PTPRQ: variants seen among roughly 807,000 people sequenced by gnomAD.
PTPRQ encodes the protein protein tyrosine phosphatase receptor type Q.
In PTPRQ, 199 loss-of-function variants were observed where a neutral mutation model predicts 246.0. That is an observed-to-expected ratio of 0.81 (90% CI 0.72 to 0.91). The LOEUF is 0.91. PTPRQ is among the 40% of genes least tolerant of loss of function. The pLI, the probability that PTPRQ is intolerant of heterozygous loss-of-function variation, is 0.00. For synonymous variants in PTPRQ, 869 were observed against 853.2 expected, an observed-to-expected ratio of 1.02 and a Z score of -0.32; for missense variants, 2,624 against 2,528.4, an observed-to-expected ratio of 1.04 and a Z score of -0.81.
intron 30 of PTPRQ, among the ~76,000 whole-genome samples, chr12:80,616,816 A>C (rs1351842790): frequency 2.0e-5 from 3 of 151,190 alleles, no homozygotes; most frequent in Non-Finnish European, 3.0e-5. Flanking sequence ...CTTTCAAAAT[A>C]AAACAAACAA....
chr12:80,637,819 A>G (rs1899713381), intron 35 of PTPRQ, among the ~76,000 whole-genome samples: 1 of 152,172 alleles, frequency 6.6e-6, no homozygotes, highest in Admixed American at 6.5e-5. Context: ...GAGGTGTTTG[A>G]AGATCTAAAT....
chr12:80,521,725 T>G (rs1468865548), intron 17 of PTPRQ, among the ~76,000 whole-genome samples: 2 of 152,178 alleles, frequency 1.3e-5, no homozygotes, highest in East Asian at 3.8e-4. Flanking sequence ...GATCTATATC[T>G]CTGTTTTGGT....
chr12:80,578,828 A>T (rs1897348682), intron 25 of PTPRQ, among the ~76,000 whole-genome samples: 1 of 152,126 alleles, frequency 6.6e-6, no homozygotes, highest in Non-Finnish European at 1.5e-5. Flanking sequence ...ATCAGAGATT[A>T]TTGTATTTTT....
chr12:80,517,066 T>C (rs1368791794), intron 17 of PTPRQ, among the ~76,000 whole-genome samples: 1 of 152,170 alleles, frequency 6.6e-6, no homozygotes, highest in African/African-American at 2.4e-5. Flanking sequence ...TCTCAACTCT[T>C]TCCTGATAGT....
At chr12:80,506,811 G>A (rs1225521344) in intron 16 of PTPRQ, 141 bp downstream of exon 16, 5 of 582,018 alleles carry the variant, frequency 8.6e-6, no homozygotes, top group Non-Finnish European at 1.1e-5. Context: ...AGATTTCATT[G>A]TCATGGTATA....
At chr12:80,603,294 ATAACT>A (rs780384344) in intron 26 of PTPRQ, among the ~76,000 whole-genome samples, 10 of 151,656 alleles carry the variant, frequency 6.6e-5, no homozygotes, top group Non-Finnish European at 1.5e-4. Flanking sequence ...TGTTTTTCAA[ATAACT>A]TAACTTTTTC....
chr12:80,606,423 A>G (rs1398341672), intron 27 of PTPRQ, among the ~76,000 whole-genome samples: 1 of 151,010 alleles, frequency 6.6e-6, no homozygotes, highest in Non-Finnish European at 1.5e-5. Flanking sequence ...AGCCATTTGG[A>G]TGGAAATCCA....
intron 23 of PTPRQ, among the ~76,000 whole-genome samples, chr12:80,545,193 T>C (rs1006411059): frequency 6.6e-6 from 1 of 152,096 alleles, no homozygotes; most frequent in African/African-American, 2.4e-5. Flanking sequence ...CTAGTTAATA[T>C]AAAAATTCCT....
In PTPRQ at chr12:80,542,870, ATATAT is replaced by A. The variant is rs1419144846; in HGVS notation, c.3867_3871del (p.Tyr1289Ter). ...AATTCATGAACATGAAACTGACACT[ATATAT>A]TATAAGGTAGGTTGATTATAACAGT... On this transcript the variant is annotated frameshift_variant, in exon 23 of 45. Transcript: ENST00000644991. LOFTEE classifies it high-confidence loss of function. The A allele has an allele frequency of 6.0e-6, 9 of 1,504,396 alleles. No individual in the cohort carries two copies. The highest frequency in any genetic ancestry group is 7.1e-6 in the Non-Finnish European group (8 of 1,119,828). 93.2% of individuals were successfully genotyped at this position (1,504,396 alleles called of 1,614,324 possible).
chr12:80,447,827 G>A (rs1423044986), intron 3 of PTPRQ, among the ~76,000 whole-genome samples: 6 of 152,082 alleles, frequency 3.9e-5, no homozygotes, highest in Middle Eastern at 3.2e-3. Flanking sequence ...TCGAAGTCAG[G>A]TAATGTGATG....
intron 35 of PTPRQ, among the ~76,000 whole-genome samples, chr12:80,638,569 C>G (rs1242016974): frequency 6.6e-6 from 1 of 152,120 alleles, no homozygotes; most frequent in East Asian, 1.9e-4. Context: ...AATTATTTAA[C>G]TATTTTATAC....
chr12:80,560,024 C>A (rs776669000), intron 25 of PTPRQ, among the ~76,000 whole-genome samples: 27 of 152,284 alleles, frequency 1.8e-4, no homozygotes, highest in Non-Finnish European at 1.9e-4. Context: ...CATGTGGACA[C>A]CTCTTAAAAG....
At position 80,539,845 on chromosome 12, in the gene PTPRQ, A is replaced by G; in HGVS notation, c.3055A>G (p.Thr1019Ala). Residue 1019 changes from threonine (T) to alanine (A), a missense_variant, in exon 20 of 45, where the codon ACA becomes GCA. Thr to Ala is a moderately conservative substitution (Grantham distance 58). Transcript: ENST00000644991. ...MTVSTIIDKL[T>A]IFSYYTFWLT... ...TGTATCCACAATTATAGATAAACTGACAATATTCAGCTACTATACATTTTG... is the reference window on the plus strand; with the variant it reads ...TGTATCCACAATTATAGATAAACTGGCAATATTCAGCTACTATACATTTTG... 6.5e-7 allele frequency: 1 copy of G among 1,549,210 alleles called. No individual in the cohort carries two copies. The highest frequency in any genetic ancestry group is 8.7e-7 in the Non-Finnish European group (1 of 1,145,840).
chr12:80,658,850 A>G lies in PTPRQ; in HGVS notation c.6192+789A>G, dbSNP rs530119490. On this transcript the variant is annotated intron_variant, in intron 39 of 44. Transcript: ENST00000644991. ...ACTCTCCATAGGCTTTTTCTTATCC[A>G]TAGGTCTTCTCATCCATGCCCTCTA... Among the ~76,000 whole-genome samples, 5 of 152,064 alleles carry G rather than the reference A, an allele frequency of 3.3e-5. No individual in the cohort carries two copies. The South Asian group carries it at 8.3e-4, about 25-fold the overall frequency.
chr12:80,528,343 A>G (rs1456151666), intron 17 of PTPRQ, among the ~76,000 whole-genome samples: 1 of 152,162 alleles, frequency 6.6e-6, no homozygotes, highest in African/African-American at 2.4e-5. Flanking sequence ...ATGTGGCTAT[A>G]AACCCATTGA....
chr12:80,504,300 G>A (rs922062360), intron 14 of PTPRQ, among the ~76,000 whole-genome samples: 1 of 151,530 alleles, frequency 6.6e-6, no homozygotes, highest in African/African-American at 2.4e-5. Flanking sequence ...TACCTCAAGA[G>A]ATTTTTAATT....
At chr12:80,677,148 A>G (rs968636190) in intron 43 of PTPRQ, among the ~76,000 whole-genome samples, 6 of 152,342 alleles carry the variant, frequency 3.9e-5, no homozygotes, top group Non-Finnish European at 5.9e-5. Context: ...GGACAGTCAG[A>G]AGTTTCACAT....
intron 14 of PTPRQ, among the ~76,000 whole-genome samples, chr12:80,501,989 G>A (rs1565749204): frequency 6.6e-6 from 1 of 151,784 alleles, no homozygotes; most frequent in Non-Finnish European, 1.5e-5. Context: ...GAGGAATTTT[G>A]ATAAGAAGTG....
intron 41 of PTPRQ, 45 bp from the exon 42 acceptor site, chr12:80,670,299 G>C: frequency 6.5e-7 from 1 of 1,540,668 alleles, no homozygotes; most frequent in Non-Finnish European, 8.8e-7. Flanking sequence ...CTTCATTGTG[G>C]AACTTAAATA....
Sources: allele counts gnomAD v4.1 joint callset (sites outside exome capture counted in the v4.1 genomes callset), GRCh38; gene constraint gnomAD v4.1.1; transcripts MANE v1.5; gene names NCBI Gene and HGNC (gene_info 2026-07-23, HGNC 2026-07-21).